Variants in CCDC33 observed in about 807,000 individuals in gnomAD.
The protein encoded by CCDC33 is coiled-coil domain-containing protein 33.
Under a neutral mutation model 91.9 loss-of-function variants are expected in CCDC33, and 94 were observed. That is an observed-to-expected ratio of 1.02 (90% CI 0.87 to 1.21). CCDC33 has a LOEUF of 1.21. Ranked by LOEUF, CCDC33 falls within the 50% of genes most tolerant of loss-of-function variation. The pLI is 0.00. For synonymous variants in CCDC33, 396 were observed against 374.5 expected, an observed-to-expected ratio of 1.06 and a Z score of -0.66; for missense variants, 940 against 935.5, an observed-to-expected ratio of 1.00 and a Z score of -0.06.
chr15:74,260,867 T>G (rs539302189), intron 2 of CCDC33, among the ~76,000 whole-genome samples: 1 of 152,238 alleles, frequency 6.6e-6, no homozygotes, highest in Admixed American at 6.5e-5. Flanking sequence ...CATATTTATA[T>G]TTTAATAATT....
intron 2 of CCDC33, among the ~76,000 whole-genome samples, chr15:74,229,169 G>A (rs974865173): frequency 1.3e-5 from 2 of 152,184 alleles, no homozygotes; most frequent in Non-Finnish European, 2.9e-5. Context: ...GCCTAAGTCT[G>A]AAGCTTGCCT....
intron 11 of CCDC33, among the ~76,000 whole-genome samples, chr15:74,329,940 T>C (rs1446430207): frequency 6.6e-6 from 1 of 152,156 alleles, no homozygotes; most frequent in East Asian, 1.9e-4. Flanking sequence ...CCCCCTGAGT[T>C]GGTATCACAG....
chr15:74,331,176 C>T, intron 14 of CCDC33, 27 bp from the exon 15 acceptor site: 1 of 1,613,972 alleles, frequency 6.2e-7, no homozygotes, highest in Non-Finnish European at 8.5e-7. Flanking sequence ...GCCCCTGGGC[C>T]AGCCCAGCCT....
In CCDC33 at chr15:74,334,913, T is replaced by C. The variant is rs891719349; in HGVS notation, c.2026-62T>C. The C allele has an allele frequency of 1.6e-5, 21 of 1,350,970 alleles. No individual in the cohort carries two copies. The Admixed American group carries it at 2.2e-4, about 14-fold the overall frequency. 83.7% of individuals were successfully genotyped at this position (1,350,970 alleles called of 1,614,324 possible). A position where few individuals can be genotyped will look rare whatever the true frequency, so the allele number is the denominator to read the frequency against. On this transcript the variant is annotated intron_variant, in intron 17 of 18. Coordinates refer to ENST00000398814, the MANE Select transcript of CCDC33 (RefSeq NM_025055.5). ...CAGCAGGCTCAGGCCCTGGTTGTCCTGGCCATCAGGGATTAGCCCTGCTGC... is the reference window on the plus strand; with the variant it reads ...CAGCAGGCTCAGGCCCTGGTTGTCCCGGCCATCAGGGATTAGCCCTGCTGC...
intron 2 of CCDC33, among the ~76,000 whole-genome samples, chr15:74,249,725 T>C (rs1442319739): frequency 6.6e-6 from 1 of 152,186 alleles, no homozygotes; most frequent in Non-Finnish European, 1.5e-5. Flanking sequence ...GAAACTGTGC[T>C]GGGTGTGCCT....
chr15:74,322,699 G>A (rs1203964359), intron 11 of CCDC33, among the ~76,000 whole-genome samples: 1 of 152,180 alleles, frequency 6.6e-6, no homozygotes, highest in Non-Finnish European at 1.5e-5. Context: ...ATGAGCTGTG[G>A]GCCACTCAGG....
rs76398504 is a variant in CCDC33 at position 74,224,618 on chromosome 15, A to G, written c.675+5757A>G. Among the ~76,000 whole-genome samples, 34 of 152,302 alleles carry G rather than the reference A, an allele frequency of 2.2e-4. No homozygotes were observed. The East Asian group carries it at 5.8e-3, about 26-fold the overall frequency. On this transcript the variant is annotated intron_variant, in intron 2 of 2. Coordinates refer to the CCDC33 transcript ENST00000635913. Reference sequence around the variant, plus strand: ...ACCTGGATGCTGATTGGGCTCTGGCATTGATTTAGCAGCGTTTGACCTGGT... The same window carrying G: ...ACCTGGATGCTGATTGGGCTCTGGCGTTGATTTAGCAGCGTTTGACCTGGT...
chr15:74,330,916 CCTCAGGGCCAAGGTGGACT>C lies in CCDC33; in HGVS notation c.1546-63_1546-45del. On this transcript the variant is annotated intron_variant, in intron 13 of 18. Transcript: ENST00000398814. ...ATTCAGCAGAGGGGCCGAGGTGGAC[CCTCAGGGCCAAGGTGGACT>C]CCCAGGCACCCATTCTCTCCCCTTC... 11 of 1,544,678 alleles carry C rather than the reference CCTCAGGGCCAAGGTGGACT, an allele frequency of 7.1e-6. No individual in the cohort carries two copies. The South Asian group carries it at 1.3e-4, about 18-fold the overall frequency.
At chr15:74,273,757 C>T (rs1217794223) in intron 7 of CCDC33, among the ~76,000 whole-genome samples, 2 of 151,952 alleles carry the variant, frequency 1.3e-5, no homozygotes, top group East Asian at 3.9e-4. Flanking sequence ...GCATGAGTCA[C>T]TGCGCCCAGC....
intron 2 of CCDC33, among the ~76,000 whole-genome samples, chr15:74,229,525 G>T (rs527741222): frequency 2.7e-4 from 41 of 152,296 alleles, no homozygotes; most frequent in African/African-American, 9.9e-4. Context: ...ATAAAGTGGG[G>T]ACAATAGTAG....
chr15:74,219,000 T>G lies in CCDC33; in HGVS notation c.675+139T>G, dbSNP rs1286103520. On this transcript the variant is annotated intron_variant, in intron 2 of 2. Transcript: ENST00000635913. The surrounding 1 kb of genome is among the most constrained non-coding windows in gnomAD (Gnocchi z 4.8). ...GCTCCCAAGGCTGCCATGTTCAGTCTGAGGAACGTGCAGTCTGAGGATGGA... is the reference window on the plus strand; with the variant it reads ...GCTCCCAAGGCTGCCATGTTCAGTCGGAGGAACGTGCAGTCTGAGGATGGA... 1.1e-6 allele frequency: 1 copy of G among 887,548 alleles called. No homozygotes were observed. Among genetic ancestry groups the G allele is most frequent in the Non-Finnish European group, 1.5e-6 (1 of 676,276 alleles). The allele number at this position is 887,548 out of a possible 1,614,324, so 55.0% of individuals were successfully genotyped here.
At chr15:74,243,435 C>T (rs2075410816) in intron 1 of CCDC33, among the ~76,000 whole-genome samples, 1 of 152,202 alleles carries the variant, frequency 6.6e-6, no homozygotes, top group Non-Finnish European at 1.5e-5. Flanking sequence ...TGGGACCAGA[C>T]TTGAAAGGTG....
chr15:74,321,690 G>A (rs377119988), intron 11 of CCDC33, among the ~76,000 whole-genome samples: 3 of 152,160 alleles, frequency 2.0e-5, no homozygotes, highest in South Asian at 2.1e-4. Flanking sequence ...GTGAACCACC[G>A]CACCGGGCCA....
intron 2 of CCDC33, among the ~76,000 whole-genome samples, chr15:74,258,377 C>G (rs754713197): frequency 6.6e-6 from 1 of 152,210 alleles, no homozygotes; most frequent in Non-Finnish European, 1.5e-5. Context: ...TCAAAACAAA[C>G]CAGGCCGCCT....
intron 11 of CCDC33, among the ~76,000 whole-genome samples, chr15:74,305,685 C>T (rs991206237): frequency 2.0e-5 from 3 of 152,242 alleles, no homozygotes; most frequent in African/African-American, 7.2e-5. Flanking sequence ...CAGGCACCTA[C>T]TCATTCATTC....
chr15:74,247,143 C>T (rs2075557533), intron 2 of CCDC33, among the ~76,000 whole-genome samples: 1 of 148,170 alleles, frequency 6.7e-6, no homozygotes, highest in Non-Finnish European at 1.5e-5. Flanking sequence ...AGACTCCCAT[C>T]TCAAAAAAAA....
At chr15:74,301,038 C>G (rs891470450) in intron 11 of CCDC33, 1 of 152,348 alleles carries the variant, frequency 6.6e-6, no homozygotes, top group East Asian at 1.9e-4. Context: ...GTAGAGGAAG[C>G]CTTATCTCCC....
intron 11 of CCDC33, among the ~76,000 whole-genome samples, chr15:74,321,471 G>C (rs2060205445): frequency 6.6e-6 from 1 of 152,088 alleles, no homozygotes; most frequent in Non-Finnish European, 1.5e-5. Flanking sequence ...CACCATGTTG[G>C]CCAGGCTGGT....
intron 1 of CCDC33, among the ~76,000 whole-genome samples, chr15:74,238,552 C>A (rs992339491): frequency 1.3e-5 from 2 of 151,896 alleles, no homozygotes; most frequent in African/African-American, 4.8e-5. Context: ...GATATTAATC[C>A]TTTTTTAAAT....
Sources: allele counts gnomAD v4.1 joint callset (sites outside exome capture counted in the v4.1 genomes callset), GRCh38; gene constraint gnomAD v4.1.1; non-coding constraint Gnocchi (gnomAD v3.1); transcripts MANE v1.5; gene names NCBI Gene and HGNC (gene_info 2026-07-23, HGNC 2026-07-21).